Variants in DLG2 observed in about 807,000 individuals in gnomAD.
The protein encoded by DLG2 is discs large MAGUK scaffold protein 2.
In DLG2, 45 loss-of-function variants were observed where a neutral mutation model predicts 132.5. The observed-to-expected ratio is 0.34, with a 90% confidence interval of 0.27 to 0.44. The LOEUF is 0.44. DLG2 is among the 20% of genes least tolerant of loss of function. The pLI is 1.00. For synonymous variants in DLG2, 424 were observed against 419.6 expected (o/e 1.01, Z -0.13); for missense variants, 1,045 against 1,196.9 (o/e 0.87, Z 1.87).
In DLG2 at chr11:84,502,386, CTT is replaced by C. The variant is rs1422456165; in HGVS notation, c.519+32182_519+32183del. Among the ~76,000 whole-genome samples the C allele has an allele frequency of 3.9e-3, 350 of 90,740 alleles. 2 individuals are homozygous for C. Among genetic ancestry groups the C allele is most frequent in the Middle Eastern group, 0.011 (2 of 188 alleles). The allele number at this position is 90,740 out of a possible 152,430, so 59.5% of individuals were successfully genotyped here. On this transcript the variant is annotated intron_variant, in intron 7 of 27. Coordinates refer to ENST00000376104, the MANE Select transcript of DLG2 (RefSeq NM_001142699.3). ...TCTTTCTTTCTTTCTTTCTTTCTTT[CTT>C]TCTTTCTTTCTTTCTTTCTTTCTTT...
intron 7 of DLG2, among the ~76,000 whole-genome samples, chr11:84,496,280 T>C (rs1418591278): frequency 6.6e-6 from 1 of 152,192 alleles, no homozygotes; most frequent in Admixed American, 6.5e-5. Context: ...AACTCGCTGA[T>C]GAACAATGAC....
At position 83,955,155 on chromosome 11, in the gene DLG2, T is replaced by C. The variant is rs577736054; in HGVS notation, c.1340+7730A>G. Among the ~76,000 whole-genome samples, 4 of 152,356 alleles carry C rather than the reference T, an allele frequency of 2.6e-5. No individual in the cohort carries two copies. The South Asian group carries it at 8.3e-4, about 32-fold the overall frequency. On this transcript the variant is annotated intron_variant, in intron 14 of 27. Transcript: ENST00000376104. ...TGCCAAGCACGTTACATGTACTAACTCAGTTTATTGTCACAACAAACCTAT... is the reference window on the plus strand; with the variant it reads ...TGCCAAGCACGTTACATGTACTAACCCAGTTTATTGTCACAACAAACCTAT...
intron 6 of DLG2, among the ~76,000 whole-genome samples, chr11:84,703,980 CCT>C (rs2059519924): frequency 7.0e-6 from 1 of 143,372 alleles, no homozygotes; most frequent in African/African-American, 2.6e-5. Flanking sequence ...ATTGTTTTTT[CCT>C]CTGTTTTAAA....
intron 18 of DLG2, among the ~76,000 whole-genome samples, chr11:83,718,532 G>GAAAAAAAAAAAAAAAAA (rs57237354): frequency 6.6e-5 from 7 of 106,268 alleles, no homozygotes; most frequent in African/African-American, 1.8e-4. Context: ...CTCAAAAAAA[G>GAAAAAAAAAAAAAAAAA]AAAAAAAAAA....
intron 7 of DLG2, among the ~76,000 whole-genome samples, chr11:84,461,419 T>C (rs2099079852): frequency 6.6e-6 from 1 of 151,018 alleles, no homozygotes. Flanking sequence ...GCATGTCTTA[T>C]GATTAGATTA....
intron 3 of DLG2, among the ~76,000 whole-genome samples, chr11:85,431,059 C>T (rs2091149405): frequency 6.6e-6 from 1 of 152,086 alleles, no homozygotes; most frequent in Non-Finnish European, 1.5e-5. Flanking sequence ...TATTTCTATA[C>T]ATCAAACATG....
At chr11:85,400,168 G>A (rs1029434381) in intron 3 of DLG2, among the ~76,000 whole-genome samples, 3 of 152,094 alleles carry the variant, frequency 2.0e-5, no homozygotes, top group Non-Finnish European at 4.4e-5. Flanking sequence ...GCAGCCAAAA[G>A]ACACATGAAA....
rs35039524 is a variant in DLG2 at position 83,766,396 on chromosome 11, C to CTT, written c.1825+20292_1825+20293dup. Among the ~76,000 whole-genome samples, 901 of 132,394 alleles carry CTT rather than the reference C, an allele frequency of 6.8e-3. 8 individuals are homozygous for CTT. The highest frequency in any genetic ancestry group is 0.021 in the African/African-American group (771 of 36,178). 86.9% of individuals were successfully genotyped at this position (132,394 alleles called of 152,430 possible). A position where few individuals can be genotyped will look rare whatever the true frequency, so the allele number is the denominator to read the frequency against. ...GTGTGAGCCACCATGCCTGGCCTGC[C>CTT]TTTTTTTTTTTTTTTTTATAATGAG... On this transcript the variant is annotated intron_variant, in intron 18 of 27. Coordinates refer to ENST00000376104, the MANE Select transcript of DLG2 (RefSeq NM_001142699.3).
chr11:85,396,726 GA>G (rs1349578983), intron 3 of DLG2, among the ~76,000 whole-genome samples: 4 of 152,090 alleles, frequency 2.6e-5, no homozygotes, highest in Non-Finnish European at 5.9e-5. Flanking sequence ...AAAGGTTAGA[GA>G]AAAAAGAATA....
intron 6 of DLG2, among the ~76,000 whole-genome samples, chr11:84,624,754 A>G (rs1235021750): frequency 6.7e-6 from 1 of 149,824 alleles, no homozygotes; most frequent in Non-Finnish European, 1.5e-5. Context: ...AGCACTCCCC[A>G]CTTTAACCCA....
intron 4 of DLG2, among the ~76,000 whole-genome samples, chr11:85,169,691 T>A (rs2078708083): frequency 6.6e-6 from 1 of 152,180 alleles, no homozygotes; most frequent in Admixed American, 6.5e-5. Flanking sequence ...TCCTCAGTCT[T>A]TCTTCCTGAA....
chr11:83,682,353 C>T, intron 18 of DLG2: 1 of 985,400 alleles, frequency 1.0e-6, no homozygotes, highest in Non-Finnish European at 1.2e-6. Flanking sequence ...TATTTTACAT[C>T]ACAGGGGGTG....
At chr11:84,164,244 C>A (rs2095612215) in intron 8 of DLG2, among the ~76,000 whole-genome samples, 1 of 152,120 alleles carries the variant, frequency 6.6e-6, no homozygotes, top group South Asian at 2.1e-4. Flanking sequence ...TGCACAGAGG[C>A]CATATGAAAA....
intron 3 of DLG2, among the ~76,000 whole-genome samples, chr11:85,307,469 AC>A (rs1658194042): frequency 6.6e-6 from 1 of 152,238 alleles, no homozygotes; most frequent in Non-Finnish European, 1.5e-5. Flanking sequence ...TATGAAGATA[AC>A]TACTTTATAT....
At chr11:84,526,649 G>T (rs979821318) in intron 7 of DLG2, among the ~76,000 whole-genome samples, 1 of 151,890 alleles carries the variant, frequency 6.6e-6, no homozygotes, top group Admixed American at 6.6e-5. Context: ...AGTTATTGTG[G>T]TTAATCCCTT....
At chr11:84,549,096 A>G (rs936314368) in intron 6 of DLG2, among the ~76,000 whole-genome samples, 1 of 152,168 alleles carries the variant, frequency 6.6e-6, no homozygotes, top group Admixed American at 6.5e-5. Flanking sequence ...TGTTCAGTTG[A>G]GTTAATTTTG....
chr11:84,433,331 A>G (rs1232100635), intron 7 of DLG2, among the ~76,000 whole-genome samples: 1 of 152,170 alleles, frequency 6.6e-6, no homozygotes, highest in Non-Finnish European at 1.5e-5. Flanking sequence ...CAGAAATTGC[A>G]CTTTCAATTT....
chr11:85,050,624 T>C (rs1036493817), intron 6 of DLG2, among the ~76,000 whole-genome samples: 1 of 152,158 alleles, frequency 6.6e-6, no homozygotes, highest in Non-Finnish European at 1.5e-5. Context: ...GTTAGAGATG[T>C]CTTTTCTGAG....
At chr11:84,271,703 A>C (rs933245124) in intron 7 of DLG2, among the ~76,000 whole-genome samples, 9 of 152,176 alleles carry the variant, frequency 5.9e-5, no homozygotes, top group Non-Finnish European at 8.8e-5. Flanking sequence ...AGACAAGACA[A>C]CAACAACACA....
Sources: gnomAD v4.1 joint callset for allele counts (sites outside exome capture counted in the v4.1 genomes callset) on GRCh38, gnomAD v4.1.1 for gene constraint, MANE v1.5 for transcripts, NCBI Gene and HGNC (gene_info 2026-07-23, HGNC 2026-07-21) for gene names.